The following SOX5 variants were observed in gnomAD, a reference collection of about 807,000 sequenced individuals.
The protein encoded by SOX5 is transcription factor SOX-5.
Under a neutral mutation model 92.0 loss-of-function variants are expected in SOX5, and 9 were observed. That is an observed-to-expected ratio of 0.10 (90% CI 0.06 to 0.17). The LOEUF is 0.17. Among genes scored for constraint, SOX5 ranks in the 10% least tolerant of loss-of-function variants. The pLI is 1.00. For synonymous variants in SOX5, 344 were observed against 336.3 expected (o/e 1.02, Z -0.25); for missense variants, 642 against 944.5 (o/e 0.68, Z 4.20).
At chr12:24,446,568 TG>T (rs1941505398) in intron 1 of SOX5, among the ~76,000 whole-genome samples, 1 of 152,078 alleles carries the variant, frequency 6.6e-6, no homozygotes, top group African/African-American at 2.4e-5. Context: ...TGCACCAACA[TG>T]GGGAAGAGTG....
chr12:23,898,308 A>T (rs2097197418), intron 1 of SOX5, among the ~76,000 whole-genome samples: 1 of 152,186 alleles, frequency 6.6e-6, no homozygotes, highest in Non-Finnish European at 1.5e-5. Flanking sequence ...AGTGGGCATT[A>T]TCATTCTTAC....
In SOX5 at chr12:23,620,522, A is replaced by C. The variant is rs138386937; in HGVS notation, c.1018-15989T>G. On this transcript the variant is annotated intron_variant, in intron 8 of 14. Transcript: ENST00000451604. ...TTAAATATTTCCTCTTTCTTGTATA[A>C]TTTATATGAAGAATTAATCATATAA... 1.6e-4 allele frequency among the ~76,000 whole-genome samples: 25 copies of C among 152,216 alleles called. No homozygotes were observed. In the East Asian group the frequency reaches 4.2e-3, roughly 26 times the overall value.
At chr12:23,895,645 T>G (rs1595454594) in intron 2 of SOX5, 148 bp downstream of exon 2, 4 of 626,480 alleles carry the variant, frequency 6.4e-6, no homozygotes, top group East Asian at 5.1e-5. Flanking sequence ...TGGAACAAAT[T>G]TAAAGAATTC....
intron 1 of SOX5, among the ~76,000 whole-genome samples, chr12:24,389,004 G>A (rs1043121451): frequency 2.6e-5 from 4 of 151,960 alleles, no homozygotes; most frequent in Non-Finnish European, 4.4e-5. Flanking sequence ...TGTGCACAAT[G>A]TGCAGGTTAG....
chr12:24,480,254 C>A (rs1426746813), intron 1 of SOX5, among the ~76,000 whole-genome samples: 1 of 152,114 alleles, frequency 6.6e-6, no homozygotes, highest in Non-Finnish European at 1.5e-5. Context: ...ATACAAAAAT[C>A]AAATCAAAAT....
At chr12:23,820,497 C>A (rs1433640493) in intron 3 of SOX5, among the ~76,000 whole-genome samples, 1 of 152,142 alleles carries the variant, frequency 6.6e-6, no homozygotes, top group African/African-American at 2.4e-5. Flanking sequence ...AAATCTTTGC[C>A]CATGCCTATG....
intron 4 of SOX5, among the ~76,000 whole-genome samples, chr12:23,986,837 T>C (rs1950107145): frequency 6.9e-6 from 1 of 145,380 alleles, no homozygotes; most frequent in South Asian, 2.2e-4. Flanking sequence ...ATAGATTTTA[T>C]CAAATTAGCC....
At chr12:23,868,462 C>T (rs777658379) in intron 2 of SOX5, among the ~76,000 whole-genome samples, 16 of 152,104 alleles carry the variant, frequency 1.1e-4, no homozygotes, top group Non-Finnish European at 1.8e-4. Context: ...ATTGTCATTT[C>T]TCATACTCTT....
intron 2 of SOX5, among the ~76,000 whole-genome samples, chr12:23,860,420 T>C (rs1403769650): frequency 1.3e-5 from 2 of 152,188 alleles, no homozygotes; most frequent in African/African-American, 2.4e-5. Flanking sequence ...AAGATAAACA[T>C]GGTTTTTGCT....
intron 2 of SOX5, among the ~76,000 whole-genome samples, chr12:23,892,923 C>T (rs530470233): frequency 6.6e-6 from 1 of 152,280 alleles, no homozygotes; most frequent in South Asian, 2.1e-4. Context: ...GAAACTCTTG[C>T]TTTAGAGCCC....
chr12:23,614,811 T>C (rs76303046), intron 8 of SOX5, among the ~76,000 whole-genome samples: 2,360 of 152,096 alleles, frequency 0.016, 53 homozygotes, highest in African/African-American at 0.054. Context: ...ATTTTCTTTC[T>C]TTTTTTTGGA....
rs564261953 is a variant in SOX5 at position 23,772,833 on chromosome 12, A to G, written c.482-17109T>C. Among the ~76,000 whole-genome samples, 4 of 152,324 alleles carry G rather than the reference A, an allele frequency of 2.6e-5. No homozygotes were observed. The East Asian group carries it at 7.7e-4, about 29-fold the overall frequency. ...TTAGGTGTTTGTCACCATCAACATC[A>G]TTGTCATCAGCATCATGACCATATT... On this transcript the variant is annotated intron_variant, in intron 3 of 14. Transcript: ENST00000451604.
At chr12:23,822,786 G>GC (rs2096146271) in intron 3 of SOX5, among the ~76,000 whole-genome samples, 1 of 152,114 alleles carries the variant, frequency 6.6e-6, no homozygotes, top group South Asian at 2.1e-4. Flanking sequence ...TCTCTAACTT[G>GC]CTTTATGAAT....
chr12:23,694,631 C>T (rs972122654), intron 6 of SOX5, among the ~76,000 whole-genome samples: 1 of 152,138 alleles, frequency 6.6e-6, no homozygotes, highest in African/African-American at 2.4e-5. Flanking sequence ...CCACCAACAA[C>T]ACAATCACAA....
At chr12:24,417,300 C>G (rs1965185490) in intron 1 of SOX5, among the ~76,000 whole-genome samples, 1 of 152,182 alleles carries the variant, frequency 6.6e-6, no homozygotes, top group Non-Finnish European at 1.5e-5. Context: ...AGGTTTTTGT[C>G]TAACCTAGCA....
chr12:23,902,238 G>A (rs1322334295), intron 1 of SOX5, among the ~76,000 whole-genome samples: 4 of 151,946 alleles, frequency 2.6e-5, no homozygotes, highest in East Asian at 1.9e-4. Context: ...TCTGCATTTG[G>A]AACATTATAA....
intron 13 of SOX5, among the ~76,000 whole-genome samples, chr12:23,539,435 A>G (rs1282138297): frequency 2.6e-5 from 4 of 152,168 alleles, no homozygotes; most frequent in Non-Finnish European, 4.4e-5. Context: ...GGAAGGTAAG[A>G]GAATATGATG....
chr12:23,709,088 T>A (rs2091772774), intron 6 of SOX5, among the ~76,000 whole-genome samples: 2 of 152,064 alleles, frequency 1.3e-5, no homozygotes, highest in South Asian at 4.2e-4. Flanking sequence ...GTTCAGGGAA[T>A]CTTTTATTTT....
chr12:24,354,727 C>T (rs1406621905), intron 2 of SOX5, among the ~76,000 whole-genome samples: 2 of 152,204 alleles, frequency 1.3e-5, no homozygotes, highest in African/African-American at 4.8e-5. Flanking sequence ...TCTAACACAA[C>T]AGGATGTCTG....
Sources: allele counts gnomAD v4.1 joint callset (sites outside exome capture counted in the v4.1 genomes callset), GRCh38; gene constraint gnomAD v4.1.1; transcripts MANE v1.5; gene names NCBI Gene and HGNC (gene_info 2026-07-23, HGNC 2026-07-21).